TMT1B: variants seen among roughly 807,000 people sequenced by gnomAD.
TMT1B encodes thiol methyltransferase 1B, also known as thiol S-methyltransferase TMT1B.
chr12:55,681,810 T>A, the TMT1B span: 8,989 of 1,555,158 alleles, frequency 5.8e-3, 42 homozygotes, highest in Non-Finnish European at 7.0e-3. Context: ...ACCCTGCCCC[T>A]GCACCTCATG....
At chr12:55,683,762 G>C in the TMT1B span, 3 of 1,560,800 alleles carry the variant, frequency 1.9e-6, no homozygotes, top group South Asian at 3.3e-5. Flanking sequence ...GCGCGATAGG[G>C]AGCAGGGTCA....
chr12:55,682,022 C>T, the TMT1B span: 96 of 1,614,128 alleles, frequency 5.9e-5, no homozygotes, highest in Non-Finnish European at 7.8e-5. Flanking sequence ...GTTCTACCCA[C>T]CGGGCTGCAG....
At chr12:55,682,607 C>CAAAAAAAA in the TMT1B span, among the ~76,000 whole-genome samples, 2 of 104,166 alleles carry the variant, frequency 1.9e-5, no homozygotes, top group Admixed American at 1.1e-4. Context: ...GCCGTCTCTA[C>CAAAAAAAA]AAAAAAAAAA....
the TMT1B span, chr12:55,684,162 G>C: frequency 2.3e-4 from 226 of 987,724 alleles, 3 homozygotes; most frequent in South Asian, 3.3e-3. Context: ...AATGAGAGAA[G>C]ACATTCATGT....
the TMT1B span, among the ~76,000 whole-genome samples, chr12:55,682,555 G>C: frequency 6.9e-6 from 1 of 144,938 alleles, no homozygotes; most frequent in Non-Finnish European, 1.5e-5. Flanking sequence ...AGGATGACTT[G>C]AGCCCAGGAG....
At chr12:55,682,456 C>G in the TMT1B span, among the ~76,000 whole-genome samples, 1 of 151,986 alleles carries the variant, frequency 6.6e-6, no homozygotes, top group South Asian at 2.1e-4. Flanking sequence ...GGAGGATCAC[C>G]TACCACCATG....
the TMT1B span, among the ~76,000 whole-genome samples, chr12:55,682,822 G>A: frequency 4.6e-4 from 69 of 151,274 alleles, no homozygotes; most frequent in East Asian, 0.012. Flanking sequence ...GAGAGAGAGA[G>A]AGAGATCTGA....
chr12:55,684,168 C>G, the TMT1B span: 1 of 919,840 alleles, frequency 1.1e-6, no homozygotes, highest in African/African-American at 1.7e-5. Context: ...AGAAGACATT[C>G]ATGTACCACC....
the TMT1B span, chr12:55,683,938 C>G: frequency 6.2e-7 from 1 of 1,614,130 alleles, no homozygotes; most frequent in African/African-American, 1.3e-5. Flanking sequence ...CCAGAGAGAC[C>G]TGGAAGGATC....
the TMT1B span, chr12:55,682,385 G>C: frequency 2.3e-6 from 2 of 853,216 alleles, no homozygotes; most frequent in Non-Finnish European, 1.8e-6. Context: ...TCTACCTGCT[G>C]GTGAATAGGA....
chr12:55,681,951 C>A, the TMT1B span: 34 of 1,614,088 alleles, frequency 2.1e-5, no homozygotes, highest in Middle Eastern at 1.6e-4. Context: ...AAGGGGCTTA[C>A]AGGAGCCTCC....
At chr12:55,683,294 A>G in the TMT1B span, among the ~76,000 whole-genome samples, 3 of 152,186 alleles carry the variant, frequency 2.0e-5, no homozygotes, top group East Asian at 5.8e-4. Context: ...AGGAGTTTGA[A>G]ACCAGACTGG....
the TMT1B span, chr12:55,681,883 G>C: frequency 1.2e-6 from 2 of 1,610,268 alleles, no homozygotes; most frequent in South Asian, 1.1e-5. Flanking sequence ...TGGCCGTGCT[G>C]ACTCCCAAGA....
chr12:55,684,196 C>T, the TMT1B span: 2 of 713,236 alleles, frequency 2.8e-6, no homozygotes, highest in Non-Finnish European at 4.7e-6. Flanking sequence ...CCCTCTCTCC[C>T]CAACCTCTGC....
At chr12:55,684,046 A>T in the TMT1B span, 4 of 1,612,766 alleles carry the variant, frequency 2.5e-6, no homozygotes, top group African/African-American at 5.3e-5. Context: ...AGGCTGTCAA[A>T]TAATCTTTCC....
the TMT1B span, among the ~76,000 whole-genome samples, chr12:55,683,217 T>G: frequency 6.6e-6 from 1 of 152,266 alleles, no homozygotes; most frequent in East Asian, 1.9e-4. Flanking sequence ...TAAGCCCAGC[T>G]GGGCGAGGTG....
the TMT1B span, among the ~76,000 whole-genome samples, chr12:55,683,068 G>A: frequency 0.01 from 1,583 of 152,284 alleles, 21 homozygotes; most frequent in African/African-American, 0.035. Flanking sequence ...ATAGTGAGGC[G>A]AGGAGCTTGA....
the TMT1B span, among the ~76,000 whole-genome samples, chr12:55,683,490 G>A: frequency 6.6e-6 from 1 of 152,054 alleles, no homozygotes; most frequent in Non-Finnish European, 1.5e-5. Flanking sequence ...CTGAGACTCT[G>A]TCTCAAAAAA....
Sources: gnomAD v4.1 joint callset for allele counts (sites outside exome capture counted in the v4.1 genomes callset) on GRCh38, gnomAD v4.1.1 for gene constraint, MANE v1.5 for transcripts, NCBI Gene and HGNC (gene_info 2026-07-23, HGNC 2026-07-21) for gene names.